RSPH6A: variants seen among roughly 807,000 people sequenced by gnomAD.
RSPH6A encodes radial spoke head protein 6 homolog A.
RSPH6A carries 49 observed loss-of-function variants against 66.1 expected under a neutral mutation model. That is an observed-to-expected ratio of 0.74 (90% CI 0.59 to 0.94). The LOEUF (loss-of-function observed/expected upper bound fraction) is 0.94, where lower values mean the gene tolerates loss of function less well. Among genes scored for constraint, RSPH6A ranks in the 40% least tolerant of loss-of-function variants. The probability of loss-of-function intolerance (pLI) is 0.00; values close to 1 mark genes in which losing one functional copy is unlikely to be tolerated. For synonymous variants in RSPH6A, 419 were observed against 402.4 expected (o/e 1.04, Z -0.49); for missense variants, 977 against 948.3 (o/e 1.03, Z -0.40).
Position 45,814,647 on chromosome 19 carries a change from G to A in RSPH6A, c.530C>T (p.Pro177Leu), listed in dbSNP as rs752523978. The change falls in exon 1 of 6, where the codon CCC becomes CTC. Residue 177 changes from proline to leucine, a missense_variant. Pro to Leu is a moderately conservative substitution (Grantham distance 98). Coordinates refer to ENST00000221538, the MANE Select transcript of RSPH6A (RefSeq NM_030785.4). ...IRDDPALQFL[P>L]SELGFPHYSA... ...GTAGTGTGGGAAGCCCAGCTCAGAGGGCAAGAACTGAAGGGCAGGGTCATC... is the reference window on the plus strand; with the variant it reads ...GTAGTGTGGGAAGCCCAGCTCAGAGAGCAAGAACTGAAGGGCAGGGTCATC... The A allele has an allele frequency of 9.9e-6, 16 of 1,608,994 alleles. No individual in the cohort carries two copies. Among genetic ancestry groups the A allele is most frequent in the Middle Eastern group, 1.7e-4 (1 of 6,030 alleles).
At chr19:45,799,307 G>T (rs1031389024) in intron 5 of RSPH6A, among the ~76,000 whole-genome samples, 1 of 152,236 alleles carries the variant, frequency 6.6e-6, no homozygotes, top group Non-Finnish European at 1.5e-5. Context: ...GAAGGCTGAA[G>T]GACTGTGGGG....
In RSPH6A at chr19:45,804,568, G is replaced by A. The variant is rs538384690; in HGVS notation, c.1337C>T (p.Pro446Leu). ...CTTTCGGGCGTTCACGATCTGGGCT[G>A]GAGTGACGTGGGGCAGCCGCGTCCA... is the stretch of plus-strand genomic sequence containing the variant. ...LPWTRLPHVT[P>L]AQIVNARKIK... Residue 446 changes from proline (P) to leucine (L), a missense_variant, in exon 3 of 6, where the codon CCA (proline) becomes CTA (leucine). Coordinates refer to ENST00000221538, the MANE Select transcript of RSPH6A (RefSeq NM_030785.4). The surrounding 1 kb of genome is among the most constrained non-coding windows in gnomAD (Gnocchi z 5.8). The A allele has an allele frequency of 2.5e-6, 4 of 1,614,186 alleles. No individual in the cohort carries two copies. The South Asian group carries it at 3.3e-5, about 13-fold the overall frequency.
At chr19:45,806,118 T>A (rs1325831936) in intron 2 of RSPH6A, among the ~76,000 whole-genome samples, 1 of 152,178 alleles carries the variant, frequency 6.6e-6, no homozygotes, top group Non-Finnish European at 1.5e-5. Context: ...TAACACATAC[T>A]CCATGTTTCA....
chr19:45,797,751 C>T lies in RSPH6A; in HGVS notation c.1917-1645G>A, dbSNP rs182452450. Among the ~76,000 whole-genome samples the T allele has an allele frequency of 7.8e-4, 118 of 151,912 alleles. 1 individual carries two copies. Among genetic ancestry groups the T allele is most frequent in the Non-Finnish European group, 1.3e-3 (91 of 67,984 alleles). Reference sequence around the variant, plus strand: ...GGCGTGGTAGTGGGCGCCTGTAGTCCCAGCTACTCAGGAGGCTGGGGCATA... The same window carrying T: ...GGCGTGGTAGTGGGCGCCTGTAGTCTCAGCTACTCAGGAGGCTGGGGCATA... On this transcript the variant is annotated intron_variant, in intron 5 of 5. Coordinates refer to ENST00000221538, the MANE Select transcript of RSPH6A (RefSeq NM_030785.4).
At chr19:45,811,342 A>G (rs1342646601) in intron 1 of RSPH6A, among the ~76,000 whole-genome samples, 1 of 151,906 alleles carries the variant, frequency 6.6e-6, no homozygotes, top group African/African-American at 2.4e-5. Flanking sequence ...AAATATATAC[A>G]GTGTGTCAGG....
At position 45,802,101 on chromosome 19, in the gene RSPH6A, G is replaced by T; in HGVS notation, c.1798+19C>A. Reference sequence around the variant, plus strand: ...GCCCTCCCCAGCCAGTGGTGTACAGGCTGAGAGGGCTTCCTTACCTGCATC... The same window carrying T: ...GCCCTCCCCAGCCAGTGGTGTACAGTCTGAGAGGGCTTCCTTACCTGCATC... On this transcript the variant is annotated intron_variant, in intron 4 of 5. Transcript: ENST00000221538. 1 of 1,484,240 alleles carries T rather than the reference G, an allele frequency of 6.7e-7. No homozygotes were observed. The highest frequency in any genetic ancestry group is 9.1e-7 in the Non-Finnish European group (1 of 1,104,518). The allele number at this position is 1,484,240 out of a possible 1,614,324, so 91.9% of individuals were successfully genotyped here.
rs752118848 is a variant in RSPH6A, at chr19:45,804,607, T to A, written c.1298A>T (p.Glu433Val). The stretch of plus-strand genomic sequence containing the variant: ...CAGCCGCGTCCATGGCAGGCCCGGC[T>A]CGTTGCACACAAAGTACAGGTACTT... ...ANKYLYFVCN[E>V]PGLPWTRLPH... Residue 433 changes from glutamate (E) to valine (V), a missense_variant, in exon 3 of 6, where the codon GAG becomes GTG. Transcript: ENST00000221538. This position sits in a 1 kb window ranked among gnomAD's most constrained non-coding sequence, Gnocchi z 5.8. The A allele has an allele frequency of 1.2e-6, 2 of 1,614,032 alleles. No individual in the cohort carries two copies. Among genetic ancestry groups the A allele is most frequent in the African/African-American group, 2.7e-5 (2 of 74,926 alleles).
rs112202271 is a variant in RSPH6A at position 45,809,783 on chromosome 19, G to A, written c.888+820C>T. Among the ~76,000 whole-genome samples the A allele has an allele frequency of 2.1e-3, 322 of 152,350 alleles. 1 individual carries two copies. The highest frequency in any genetic ancestry group is 3.9e-3 in the Non-Finnish European group (263 of 68,042). On this transcript the variant is annotated intron_variant, in intron 2 of 5. Coordinates refer to ENST00000221538, the MANE Select transcript of RSPH6A (RefSeq NM_030785.4). ...CCTGTGTGGGGAGCAGATGGTGCAGGTGGCATTTCAAAGCAGTGGGGGGGC... is the reference window on the plus strand; with the variant it reads ...CCTGTGTGGGGAGCAGATGGTGCAGATGGCATTTCAAAGCAGTGGGGGGGC...
chr19:45,815,043 T>C lies in RSPH6A; in HGVS notation c.134A>G (p.Gln45Arg). The C allele has an allele frequency of 1.2e-6, 2 of 1,613,652 alleles. No individual in the cohort carries two copies. Among genetic ancestry groups the C allele is most frequent in the Middle Eastern group, 3.3e-4 (2 of 6,062 alleles). Residue 45 changes from glutamine to arginine, a missense_variant, in exon 1 of 6, where the codon CAG (glutamine) becomes CGG (arginine). Gln to Arg is a conservative substitution (Grantham distance 43). Transcript: ENST00000221538. ...GTTTCGCTGGGCGTCTGGAGGTATC[T>C]GCTGCCTCTCCTCGGGGTCCGCTGC... ...ALAADPEERQ[Q>R]IPPDAQRNAP...
chr19:45,803,377 G>A (rs1970496509), intron 3 of RSPH6A, among the ~76,000 whole-genome samples: 2 of 150,408 alleles, frequency 1.3e-5, no homozygotes, highest in African/African-American at 2.4e-5. Context: ...AAGTTGCTAT[G>A]TCTTAAAAGA....
At chr19:45,798,539 CAAAA>C (rs35898926) in intron 5 of RSPH6A, among the ~76,000 whole-genome samples, 5 of 100,232 alleles carry the variant, frequency 5.0e-5, no homozygotes, top group Admixed American at 1.1e-4. Flanking sequence ...GACCCTATCT[CAAAA>C]AAAAAAAAAA....
chr19:45,810,395 C>T (rs549436056), intron 2 of RSPH6A, among the ~76,000 whole-genome samples: 2 of 152,274 alleles, frequency 1.3e-5, no homozygotes, highest in Admixed American at 6.5e-5. Flanking sequence ...TGGTCTTGAT[C>T]TCCTGACCTC....
intron 2 of RSPH6A, 26 bp from the exon 3 acceptor site, chr19:45,805,042 A>G (rs912586366): frequency 6.4e-7 from 1 of 1,571,626 alleles, no homozygotes; most frequent in Non-Finnish European, 8.6e-7. Context: ...TGGAGGGCAG[A>G]GGGGAGAATG....
At position 45,795,991 on chromosome 19, in the gene RSPH6A, TCTC is replaced by T; in HGVS notation, c.2029_2031del (p.Glu677del). On this transcript the variant is annotated inframe_deletion, in exon 6 of 6. Transcript: ENST00000221538. Reference sequence around the variant, plus strand: ...TCCTCTTCCACTGTGGGGTCACTCATCTCCATGATCTCTGGGCCACTGGGGTAC... The same window carrying T: ...TCCTCTTCCACTGTGGGGTCACTCATCATGATCTCTGGGCCACTGGGGTAC... 1 of 1,613,570 alleles carries T rather than the reference TCTC, an allele frequency of 6.2e-7. No individual in the cohort carries two copies. Among genetic ancestry groups the T allele is most frequent in the Non-Finnish European group, 8.5e-7 (1 of 1,179,884 alleles).
Position 45,807,511 on chromosome 19 carries a change from G to A in RSPH6A, c.889-2495C>T, listed in dbSNP as rs369350262. On this transcript the variant is annotated intron_variant, in intron 2 of 5. Transcript: ENST00000221538. ...ATTACAAGCGTGAGCCACTGCGCCC[G>A]GCCCATTACTATTTTTTGAGACGGA... Among the ~76,000 whole-genome samples the A allele has an allele frequency of 1.3e-4, 18 of 133,620 alleles. No individual in the cohort carries two copies. The South Asian group carries it at 2.2e-3, about 16-fold the overall frequency. The allele number at this position is 133,620 out of a possible 152,430, so 87.7% of individuals were successfully genotyped here.
intron 1 of RSPH6A, among the ~76,000 whole-genome samples, chr19:45,811,416 T>C (rs1417861734): frequency 6.6e-6 from 1 of 152,040 alleles, no homozygotes; most frequent in Non-Finnish European, 1.5e-5. Context: ...GTGCCAGGGA[T>C]GGGAGAAGGT....
At chr19:45,809,668 C>T (rs563202364) in intron 2 of RSPH6A, among the ~76,000 whole-genome samples, 3 of 152,154 alleles carry the variant, frequency 2.0e-5, no homozygotes, top group East Asian at 1.9e-4. Flanking sequence ...CAACACCTGC[C>T]GTGCAGCTGC....
chr19:45,799,533 T>TA (rs920352483), intron 5 of RSPH6A, among the ~76,000 whole-genome samples: 1 of 151,952 alleles, frequency 6.6e-6, no homozygotes, highest in Non-Finnish European at 1.5e-5. Flanking sequence ...GGGCTGATTT[T>TA]AAAAATTTTT....
chr19:45,801,061 G>A (rs1381654983), intron 4 of RSPH6A, among the ~76,000 whole-genome samples: 1 of 152,148 alleles, frequency 6.6e-6, no homozygotes, highest in Admixed American at 6.5e-5. Flanking sequence ...GCCCCCCAAA[G>A]TGCTGGGATT....
Sources: allele counts gnomAD v4.1 joint callset (sites outside exome capture counted in the v4.1 genomes callset), GRCh38; gene constraint gnomAD v4.1.1; non-coding constraint Gnocchi (gnomAD v3.1); transcripts MANE v1.5; gene names NCBI Gene and HGNC (gene_info 2026-07-23, HGNC 2026-07-21).